Variants in AMELX observed in about 807,000 individuals in gnomAD.
The protein encoded by AMELX is amelogenin X-linked, also known as amelogenin, X isoform.
Under a neutral mutation model 15.8 loss-of-function variants are expected in AMELX, and 9 were observed. That is an observed-to-expected ratio of 0.57 (90% confidence interval 0.34 to 0.99). The LOEUF is 0.99. Ranked by LOEUF, AMELX falls within the 50% of genes least tolerant of loss-of-function variation. The pLI is 0.02. For missense variants in AMELX, 107 were observed against 156.2 expected (o/e 0.68, Z 1.68); for synonymous variants, 61 against 58.8 (o/e 1.04, Z -0.17).
intron 4 of AMELX, 41 bp from the exon 5 acceptor site, chrX:11,298,506 CA>C: frequency 1.7e-6 from 2 of 1,205,600 alleles, no homozygotes; most frequent in Non-Finnish European, 2.2e-6. Flanking sequence ...TGGTTGGAGT[CA>C]CCTGAGCCAA....
At position 11,298,623 on chromosome X, in the gene AMELX, C is replaced by T; in HGVS notation, c.220C>T (p.Pro74Ser). 1 of 1,210,961 alleles carries T rather than the reference C, an allele frequency of 8.3e-7. No homozygotes were observed. Among genetic ancestry groups the T allele is most frequent in the Non-Finnish European group, 1.1e-6 (1 of 895,316 alleles). The change falls in exon 5 of 6, where the codon CCC (proline) becomes TCC (serine). Residue 74 changes from proline (P) to serine (S), a missense_variant. Physicochemically the swap from Pro to Ser is moderately conservative, Grantham distance 74. Coordinates refer to ENST00000380714, the MANE Select transcript of AMELX (RefSeq NM_001142.2). Reference protein sequence around the residue: ...QIIPVLSQQHPPTHTLQPHHH... With the variant: ...QIIPVLSQQHSPTHTLQPHHH... ...CATCCCCGTGCTGTCCCAACAGCACCCCCCGACTCACACCCTGCAGCCTCA... is the reference window on the plus strand; with the variant it reads ...CATCCCCGTGCTGTCCCAACAGCACTCCCCGACTCACACCCTGCAGCCTCA...
downstream of AMELX, among the ~76,000 whole-genome samples, chrX:11,302,782 C>T (rs1238461315): frequency 9.0e-6 from 1 of 110,888 alleles, no homozygotes; most frequent in Non-Finnish European, 1.9e-5. Flanking sequence ...TATTCATTAT[C>T]ACCACCAAGA....
chrX:11,299,594 T>C (rs2048143223), intron 5 of AMELX, among the ~76,000 whole-genome samples: 1 of 112,379 alleles, frequency 8.9e-6, no homozygotes, highest in African/African-American at 3.2e-5. Flanking sequence ...GCACTAAATC[T>C]TCCATTACAG....
chrX:11,294,275 T>G (rs1392932428), intron 1 of AMELX, among the ~76,000 whole-genome samples: 2 of 112,253 alleles, frequency 1.8e-5, no homozygotes, highest in Non-Finnish European at 3.8e-5. Flanking sequence ...AAATCTATCT[T>G]GGCAAATTAA....
At chrX:11,296,473 T>C (rs1007829273) in intron 2 of AMELX, among the ~76,000 whole-genome samples, 3 of 111,724 alleles carry the variant, frequency 2.7e-5, no homozygotes, top group African/African-American at 9.8e-5. Context: ...CAAAGATCAC[T>C]GGAGAATAAA....
At position 11,296,881 on chromosome X, in the gene AMELX, C is replaced by T. The variant is rs940032272; in HGVS notation, c.102+55C>T. The T allele has an allele frequency of 2.6e-5, 30 of 1,153,988 alleles. No individual in the cohort carries two copies. In the African/African-American group the frequency reaches 4.3e-4, roughly 17 times the overall value. ...TTGTTTGCGTTAACAATGCCCTGGG[C>T]TCTGTAAAGAATAGTGTGTTGATTC... is the stretch of plus-strand genomic sequence containing the variant. On this transcript the variant is annotated intron_variant, in intron 3 of 5. Transcript: ENST00000380714.
At chrX:11,295,873 C>G (rs995506319) in intron 2 of AMELX, among the ~76,000 whole-genome samples, 1 of 111,697 alleles carries the variant, frequency 9.0e-6, no homozygotes, top group South Asian at 3.8e-4. Context: ...CTAAATGAGG[C>G]CAATGTCTGA....
intron 1 of AMELX, among the ~76,000 whole-genome samples, chrX:11,294,276 G>A (rs905657634): frequency 4.5e-5 from 5 of 111,862 alleles, no homozygotes; most frequent in Non-Finnish European, 9.4e-5. Context: ...AATCTATCTT[G>A]GCAAATTAAT....
chrX:11,300,930 T>G (rs2048166239), downstream of AMELX, among the ~76,000 whole-genome samples: 1 of 112,135 alleles, frequency 8.9e-6, no homozygotes, highest in African/African-American at 3.2e-5. Flanking sequence ...TAAATTATAC[T>G]GTCTCAAATC....
At chrX:11,294,984 C>T in intron 2 of AMELX, 142 bp downstream of exon 2, 4 of 693,713 alleles carry the variant, frequency 5.8e-6, no homozygotes, top group South Asian at 4.9e-5. Flanking sequence ...AGAAACACTT[C>T]AGGAGCTTGT....
chrX:11,296,636 A>C (rs766596145), intron 2 of AMELX, 143 bp from the exon 3 acceptor site: 4 of 651,063 alleles, frequency 6.1e-6, no homozygotes, highest in Admixed American at 2.8e-5. Flanking sequence ...TATATTCTGC[A>C]CTATATAGAT....
intron 5 of AMELX, 124 bp from the exon 6 acceptor site, chrX:11,300,483 T>C: frequency 1.8e-6 from 1 of 554,435 alleles, no homozygotes; most frequent in South Asian, 3.7e-5. Flanking sequence ...TCAGAAATTA[T>C]AGAGTTCAAC....
At chrX:11,298,310 A>T (rs1216598702) in intron 4 of AMELX, 33 bp downstream of exon 4, 1 of 1,187,065 alleles carries the variant, frequency 8.4e-7, no homozygotes, top group Non-Finnish European at 1.1e-6. Flanking sequence ...ATTCCCTGAA[A>T]ATATTAGGCA....
intron 1 of AMELX, among the ~76,000 whole-genome samples, chrX:11,293,959 A>G (rs1253853871): frequency 8.9e-6 from 1 of 112,432 alleles, no homozygotes; most frequent in East Asian, 2.8e-4. Flanking sequence ...CTTTCTTCTG[A>G]CAGTTTTCCC....
In AMELX at chrX:11,294,796, C is replaced by A. The variant is rs753863554; in HGVS notation, c.8C>A (p.Thr3Asn). 13 of 1,209,816 alleles carry A rather than the reference C, an allele frequency of 1.1e-5. No homozygotes were observed. The highest frequency in any genetic ancestry group is 4.4e-5 in the Admixed American group (2 of 45,779). MG[T>N]WILFACLLGA... ...TTTCAGAACCATCAAGAAATGGGGA[C>A]CTGGATTTTATTTGCCTGCCTCCTG... The change falls in exon 2 of 6, where the codon ACC becomes AAC. Residue 3 changes from threonine to asparagine, a missense_variant. By Grantham distance (65) the Thr-to-Asn change is moderately conservative. Transcript: ENST00000380714.
the AMELX span, among the ~76,000 whole-genome samples, chrX:11,307,379 T>C: frequency 3.6e-5 from 4 of 111,810 alleles, no homozygotes; most frequent in African/African-American, 1.3e-4. Context: ...TTAAAATAGA[T>C]GACAAAGTTC....
chrX:11,303,239 C>G (rs1160338389), downstream of AMELX, among the ~76,000 whole-genome samples: 1 of 112,532 alleles, frequency 8.9e-6, no homozygotes, highest in Non-Finnish European at 1.9e-5. Flanking sequence ...TGTGATTTGG[C>G]TTTCAATTCC....
intron 1 of AMELX, among the ~76,000 whole-genome samples, chrX:11,293,880 A>G (rs971554505): frequency 3.6e-4 from 40 of 112,349 alleles, no homozygotes; most frequent in Non-Finnish European, 4.9e-4. Context: ...GGAGTTAGAA[A>G]ACTTTAGTGT....
intron 2 of AMELX, among the ~76,000 whole-genome samples, chrX:11,295,381 C>T (rs1344094101): frequency 9.0e-6 from 1 of 111,424 alleles, no homozygotes; most frequent in Non-Finnish European, 1.9e-5. Context: ...TTGGGTACAT[C>T]TGATGAGTAC....
Sources: allele counts gnomAD v4.1 joint callset (sites outside exome capture counted in the v4.1 genomes callset), GRCh38; gene constraint gnomAD v4.1.1; transcripts MANE v1.5; gene names NCBI Gene and HGNC (gene_info 2026-07-23, HGNC 2026-07-21).